ST3GAL3: variants seen among roughly 807,000 people sequenced by gnomAD.
ST3GAL3 encodes the protein CMP-N-acetylneuraminate-beta-1,4-galactoside alpha-2,3-sialyltransferase.
In ST3GAL3, 21 loss-of-function variants were observed where a neutral mutation model predicts 50.1. The ratio of observed to expected loss-of-function variants is 0.42; its 90% CI spans 0.30 to 0.60. The LOEUF (loss-of-function observed/expected upper bound fraction) is 0.60, where lower values mean the gene tolerates loss of function less well. Among genes scored for constraint, ST3GAL3 ranks in the 20% least tolerant of loss-of-function variants. The pLI is 0.19. For synonymous variants in ST3GAL3, 183 were observed against 190.0 expected (o/e 0.96, Z 0.30); for missense variants, 353 against 489.4 (o/e 0.72, Z 2.63).
intron 2 of ST3GAL3, among the ~76,000 whole-genome samples, chr1:43,756,100 C>CAAAAAAAAAAAAAAAAAAAAAAA (rs139101819): frequency 1.4e-5 from 1 of 72,138 alleles, no homozygotes; most frequent in Non-Finnish European, 2.3e-5. Context: ...GAACCAGTCT[C>CAAAAAAAAAAAAAAAAAAAAAAA]AAAAAAAAAA....
At chr1:43,855,633 TA>T (rs910036694) in intron 5 of ST3GAL3, among the ~76,000 whole-genome samples, 3 of 149,230 alleles carry the variant, frequency 2.0e-5, no homozygotes, top group Non-Finnish European at 3.0e-5. Context: ...AAATTAAATT[TA>T]AAAAAAAAGG....
chr1:43,831,235 A>G (rs1390156260), intron 4 of ST3GAL3, among the ~76,000 whole-genome samples: 4 of 152,256 alleles, frequency 2.6e-5, no homozygotes, highest in Non-Finnish European at 5.9e-5. Context: ...TTTTGGAGTC[A>G]GTTTTCTCTT....
At chr1:43,884,490 G>A (rs2075663067) in intron 5 of ST3GAL3, among the ~76,000 whole-genome samples, 1 of 152,164 alleles carries the variant, frequency 6.6e-6, no homozygotes, top group Non-Finnish European at 1.5e-5. Flanking sequence ...GCCCTTTATG[G>A]TGGGGCTGCA....
At chr1:43,852,255 G>A (rs2067472892) in intron 5 of ST3GAL3, among the ~76,000 whole-genome samples, 1 of 152,222 alleles carries the variant, frequency 6.6e-6, no homozygotes, top group South Asian at 2.1e-4. Flanking sequence ...TTAGAGAGAT[G>A]GGGAGGGGAT....
chr1:43,799,031 C>T (rs1573059330), intron 3 of ST3GAL3, among the ~76,000 whole-genome samples: 2 of 152,116 alleles, frequency 1.3e-5, no homozygotes, highest in South Asian at 4.2e-4. Flanking sequence ...CAGACGATGT[C>T]GAGGATATTG....
intron 5 of ST3GAL3, 129 bp from the exon 6 acceptor site, chr1:43,894,254 G>A: frequency 6.8e-6 from 6 of 881,144 alleles, no homozygotes; most frequent in South Asian, 5.4e-5. Flanking sequence ...CAGGCTGGGT[G>A]GAGGGGGGTA....
At chr1:43,719,235 T>C (rs915942686) in intron 1 of ST3GAL3, 1 of 152,154 alleles carries the variant, frequency 6.6e-6, no homozygotes, top group African/African-American at 2.4e-5. Flanking sequence ...GATTGGCTAA[T>C]AAGAAGTAAA....
At chr1:43,857,772 T>G (rs1457005268) in intron 5 of ST3GAL3, among the ~76,000 whole-genome samples, 1 of 152,026 alleles carries the variant, frequency 6.6e-6, no homozygotes, top group African/African-American at 2.4e-5. Context: ...CCCGCCACTA[T>G]GTCCAGCTAA....
At chr1:43,735,914 A>G (rs1003956783) in intron 1 of ST3GAL3, among the ~76,000 whole-genome samples, 1 of 152,240 alleles carries the variant, frequency 6.6e-6, no homozygotes, top group Non-Finnish European at 1.5e-5. Flanking sequence ...TGATAACACA[A>G]TCTAGGGTAG....
At chr1:43,790,210 C>T (rs1170465931) in intron 2 of ST3GAL3, among the ~76,000 whole-genome samples, 2 of 152,208 alleles carry the variant, frequency 1.3e-5, no homozygotes, top group African/African-American at 4.8e-5. Flanking sequence ...TATTGAGTGC[C>T]AGGTGTAGCA....
chr1:43,740,390 C>T (rs1289601390), intron 2 of ST3GAL3, among the ~76,000 whole-genome samples: 1 of 151,666 alleles, frequency 6.6e-6, no homozygotes, highest in Admixed American at 6.6e-5. Flanking sequence ...TTATTTAGGT[C>T]AGTACCTTGT....
At chr1:43,709,431 C>G (rs1476755006) in intron 1 of ST3GAL3, 3 of 152,058 alleles carry the variant, frequency 2.0e-5, no homozygotes, top group Non-Finnish European at 4.4e-5. Flanking sequence ...CTCTGTCACC[C>G]ATGCTGGAGT....
rs552722022 is a variant in ST3GAL3, at chr1:43,875,093, AG to A, written c.303-19287del. The stretch of plus-strand genomic sequence containing the variant: ...AAATGAGAAAGGAACAAAGAAGCTG[AG>A]GGTGAATGCAAAGAAGTGATTATAA... On this transcript the variant is annotated intron_variant, in intron 5 of 11. Transcript: ENST00000347631. Among the ~76,000 whole-genome samples, 141 of 152,336 alleles carry A rather than the reference AG, an allele frequency of 9.3e-4. 1 individual carries two copies. Among genetic ancestry groups the A allele is most frequent in the African/African-American group, 3.2e-3 (135 of 41,570 alleles).
chr1:43,824,397 T>C (rs894397948), intron 4 of ST3GAL3, among the ~76,000 whole-genome samples: 2 of 150,228 alleles, frequency 1.3e-5, no homozygotes, highest in African/African-American at 2.4e-5. Flanking sequence ...GGTGTGTGTG[T>C]GGTGGGAGGG....
At chr1:43,719,436 C>T (rs1336177616) in intron 1 of ST3GAL3, among the ~76,000 whole-genome samples, 2 of 151,232 alleles carry the variant, frequency 1.3e-5, no homozygotes, top group African/African-American at 2.4e-5. Context: ...CCGAGATGAG[C>T]GGATTGCCTG....
intron 3 of ST3GAL3, among the ~76,000 whole-genome samples, chr1:43,809,992 CAAAAAA>C (rs111982954): frequency 1.3e-5 from 1 of 78,466 alleles, no homozygotes; most frequent in Non-Finnish European, 2.5e-5. Context: ...GACCCTGTCT[CAAAAAA>C]AAAAAAAAAA....
At chr1:43,880,860 G>A (rs1305246787) in intron 5 of ST3GAL3, among the ~76,000 whole-genome samples, 1 of 152,220 alleles carries the variant, frequency 6.6e-6, no homozygotes, top group Non-Finnish European at 1.5e-5. Flanking sequence ...AATGGAGAGA[G>A]CACTTAGAAC....
At chr1:43,736,567 A>G (rs1241781347) in intron 2 of ST3GAL3, 187 bp downstream of exon 2, 1 of 986,396 alleles carries the variant, frequency 1.0e-6, no homozygotes, top group Admixed American at 2.0e-5. Flanking sequence ...GATGTTTTTT[A>G]AAAACTGCAT....
intron 4 of ST3GAL3, among the ~76,000 whole-genome samples, chr1:43,818,323 T>C (rs995273120): frequency 6.6e-6 from 1 of 152,222 alleles, no homozygotes; most frequent in Non-Finnish European, 1.5e-5. Flanking sequence ...GCTGAGTATG[T>C]CATGGCAGTA....
Sources: allele counts gnomAD v4.1 joint callset (sites outside exome capture counted in the v4.1 genomes callset), GRCh38; gene constraint gnomAD v4.1.1; transcripts MANE v1.5; gene names NCBI Gene and HGNC (gene_info 2026-07-23, HGNC 2026-07-21).